Variants in LARGE1 observed in about 807,000 individuals in gnomAD.
LARGE1 encodes the protein xylosyl- and glucuronyltransferase LARGE1.
LARGE1 carries 43 observed loss-of-function variants against 87.6 expected under a neutral mutation model. That is an observed-to-expected ratio of 0.49 (90% CI 0.38 to 0.63). LARGE1 has a LOEUF of 0.63. Among genes scored for constraint, LARGE1 ranks in the 30% least tolerant of loss-of-function variants. The pLI is 0.00. For missense variants in LARGE1, 802 were observed against 1,000.2 expected (o/e 0.80, Z 2.67); for synonymous variants, 434 against 394.6 (o/e 1.10, Z -1.18).
chr22:33,509,186 G>T (rs2070922124), intron 6 of LARGE1, among the ~76,000 whole-genome samples: 1 of 152,144 alleles, frequency 6.6e-6, no homozygotes, highest in South Asian at 2.1e-4. Flanking sequence ...GATTTAGTAT[G>T]CCTGGGGTGC....
intron 1 of LARGE1, among the ~76,000 whole-genome samples, chr22:33,854,618 C>T (rs1024680617): frequency 2.6e-5 from 4 of 151,846 alleles, no homozygotes; most frequent in Non-Finnish European, 5.9e-5. Context: ...CTAATCATCA[C>T]AGCTAATTAC....
the LARGE1 span, among the ~76,000 whole-genome samples, chr22:33,112,083 G>T: frequency 6.6e-6 from 1 of 152,354 alleles, no homozygotes; most frequent in East Asian, 1.9e-4. Context: ...TTTTAAGCAA[G>T]GGAATAGCTT....
chr22:33,753,344 A>T (rs1025760608), intron 2 of LARGE1, among the ~76,000 whole-genome samples: 5 of 152,166 alleles, frequency 3.3e-5, no homozygotes, highest in African/African-American at 1.2e-4. Flanking sequence ...AAGATGCCAC[A>T]CTGCTGGCCT....
chr22:33,160,169 G>A (rs1921975338), downstream of LARGE1, among the ~76,000 whole-genome samples: 1 of 152,142 alleles, frequency 6.6e-6, no homozygotes, highest in South Asian at 2.1e-4. Flanking sequence ...TAAAATATAT[G>A]ACAAGTTCAA....
the LARGE1 span, among the ~76,000 whole-genome samples, chr22:33,153,230 G>A: frequency 6.6e-6 from 1 of 151,784 alleles, no homozygotes; most frequent in Non-Finnish European, 1.5e-5. Flanking sequence ...GTTTCATTAT[G>A]TTGCCCAGGC....
intron 1 of LARGE1, among the ~76,000 whole-genome samples, chr22:33,886,651 T>G: frequency 1.1e-5 from 1 of 88,746 alleles, no homozygotes; most frequent in African/African-American, 4.2e-5. Flanking sequence ...AGAGTGAGAT[T>G]CTGCCAAAAA....
chr22:33,539,441 T>G (rs2077128610), intron 6 of LARGE1, among the ~76,000 whole-genome samples: 1 of 152,192 alleles, frequency 6.6e-6, no homozygotes, highest in South Asian at 2.1e-4. Context: ...ATGGGGTAAA[T>G]AACTTGCTCA....
intron 12 of LARGE1, among the ~76,000 whole-genome samples, chr22:33,301,175 T>C (rs1217077999): frequency 2.0e-5 from 3 of 152,158 alleles, no homozygotes; most frequent in African/African-American, 7.2e-5. Context: ...CAGAAATGAA[T>C]CCATCTACTC....
chr22:33,452,955 G>A (rs957489161), intron 6 of LARGE1, among the ~76,000 whole-genome samples: 1 of 152,188 alleles, frequency 6.6e-6, no homozygotes, highest in African/African-American at 2.4e-5. Context: ...TTACCGTGAC[G>A]GAGGATTGTT....
intron 6 of LARGE1, among the ~76,000 whole-genome samples, chr22:33,484,791 C>CT (rs1170112351): frequency 6.6e-6 from 1 of 152,186 alleles, no homozygotes; most frequent in African/African-American, 2.4e-5. Context: ...TTCACATCCT[C>CT]TGACCTCTCT....
At chr22:33,580,231 A>G (rs2078476514) in intron 5 of LARGE1, among the ~76,000 whole-genome samples, 1 of 152,036 alleles carries the variant, frequency 6.6e-6, no homozygotes, top group Non-Finnish European at 1.5e-5. Flanking sequence ...TTAGCCAGGC[A>G]TGGTGGTGCA....
At chr22:33,620,910 A>G (rs2079730214) in intron 4 of LARGE1, among the ~76,000 whole-genome samples, 1 of 138,956 alleles carries the variant, frequency 7.2e-6, no homozygotes, top group Non-Finnish European at 1.5e-5. Flanking sequence ...CCTGGATGAC[A>G]GGACAAGAAT....
chr22:33,370,600 T>C (rs2064771427), intron 9 of LARGE1, among the ~76,000 whole-genome samples: 1 of 152,086 alleles, frequency 6.6e-6, no homozygotes, highest in Non-Finnish European at 1.5e-5. Flanking sequence ...ATCTCATGGC[T>C]AAAATTCTAA....
At chr22:33,195,510 A>T (rs1246007118) in intron 11 of LARGE1, among the ~76,000 whole-genome samples, 1 of 152,112 alleles carries the variant, frequency 6.6e-6, no homozygotes, top group Non-Finnish European at 1.5e-5. Flanking sequence ...TAAATTAGAC[A>T]CAAGTAACAA....
intron 1 of LARGE1, among the ~76,000 whole-genome samples, chr22:33,835,484 A>G (rs1427057765): frequency 6.6e-6 from 1 of 152,236 alleles, no homozygotes; most frequent in East Asian, 1.9e-4. Context: ...ATTCAGGATA[A>G]AAACCGAAAT....
intron 6 of LARGE1, among the ~76,000 whole-genome samples, chr22:33,485,813 T>C (rs1185726371): frequency 6.6e-6 from 1 of 152,180 alleles, no homozygotes; most frequent in African/African-American, 2.4e-5. Flanking sequence ...CCGCACTTAC[T>C]CAGCTTTATT....
At chr22:33,349,972 A>G (rs1188369195) in intron 9 of LARGE1, among the ~76,000 whole-genome samples, 1 of 152,226 alleles carries the variant, frequency 6.6e-6, no homozygotes, top group Non-Finnish European at 1.5e-5. Context: ...CACTTAGGCC[A>G]ATGCATGAAT....
At chr22:33,906,170 A>C (rs1435507328) in intron 1 of LARGE1, among the ~76,000 whole-genome samples, 1 of 152,068 alleles carries the variant, frequency 6.6e-6, no homozygotes, top group Admixed American at 6.5e-5. Flanking sequence ...AATAAAAATA[A>C]ACAAAATGAG....
At chr22:33,675,281 C>A (rs1482056894) in intron 2 of LARGE1, among the ~76,000 whole-genome samples, 1 of 44,432 alleles carries the variant, frequency 2.3e-5, no homozygotes, top group African/African-American at 7.8e-5. Context: ...GCAACAAGAG[C>A]GAAACTCCAT....
Sources: allele counts gnomAD v4.1 joint callset (sites outside exome capture counted in the v4.1 genomes callset), GRCh38; gene constraint gnomAD v4.1.1; transcripts MANE v1.5; gene names NCBI Gene and HGNC (gene_info 2026-07-23, HGNC 2026-07-21).